CLEC16A: variants seen among roughly 807,000 people sequenced by gnomAD.
CLEC16A encodes the protein protein CLEC16A.
A neutral mutation model predicts 109.5 loss-of-function variants in CLEC16A; 51 were observed. That is an observed-to-expected ratio of 0.47 (90% CI 0.37 to 0.59). The LOEUF (loss-of-function observed/expected upper bound fraction) is 0.59. CLEC16A is among the 20% of genes least tolerant of loss of function. The pLI, the probability that CLEC16A is intolerant of heterozygous loss-of-function variation, is 0.00. For synonymous variants in CLEC16A, 673 were observed against 564.2 expected (o/e 1.19, Z -2.73); for missense variants, 1,339 against 1,394.0 (o/e 0.96, Z 0.63).
intron 8 of CLEC16A, among the ~76,000 whole-genome samples, chr16:10,978,473 T>C (rs538415725): frequency 7.0e-4 from 106 of 152,320 alleles, no homozygotes; most frequent in African/African-American, 2.5e-3. Context: ...GGTTTCACCA[T>C]GTTGGCCGGG....
chr16:11,178,633 A>G lies in CLEC16A; in HGVS notation c.3105A>G (p.Thr1035=), dbSNP rs987074824. The change falls in exon 24 of 24, where the codon ACA becomes ACG. Residue 1035 remains threonine, a synonymous_variant. Coordinates refer to ENST00000409790, the MANE Select transcript of CLEC16A (RefSeq NM_015226.3). The surrounding 1 kb of genome is among the most constrained non-coding windows in gnomAD (Gnocchi z 6.5). ...PPLSTPAAAC[T]EPVGEEAACA... is the part of the protein sequence containing the mutation. ...TGTCCACGCCGGCTGCCGCCTGCAC[A>G]GAGCCCGTGGGCGAAGAGGCTGCAT... The G allele has an allele frequency of 1.9e-5, 30 of 1,591,746 alleles. No homozygotes were observed. The highest frequency in any genetic ancestry group is 2.5e-5 in the Non-Finnish European group (29 of 1,172,878).
chr16:11,080,813 C>G (rs2049666524), intron 19 of CLEC16A, among the ~76,000 whole-genome samples: 1 of 152,232 alleles, frequency 6.6e-6, no homozygotes, highest in African/African-American at 2.4e-5. Flanking sequence ...CACTCTTTCA[C>G]TTTTAGAACC....
At chr16:11,075,511 C>G (rs1008318205) in intron 19 of CLEC16A, among the ~76,000 whole-genome samples, 4 of 151,918 alleles carry the variant, frequency 2.6e-5, no homozygotes, top group African/African-American at 9.7e-5. Context: ...TCATAGCTCT[C>G]TGCAACCTTG....
At chr16:10,992,925 G>A (rs751114077) in intron 10 of CLEC16A, among the ~76,000 whole-genome samples, 7 of 152,122 alleles carry the variant, frequency 4.6e-5, no homozygotes, top group Non-Finnish European at 1.0e-4. Context: ...AGGTCAGGGA[G>A]CTAGGCCTGC....
At chr16:11,020,390 G>A (rs1049196473) in intron 12 of CLEC16A, 65 bp downstream of exon 12, 1 of 1,503,298 alleles carries the variant, frequency 6.7e-7, no homozygotes, top group Non-Finnish European at 8.9e-7. Flanking sequence ...CAGTGGGGAG[G>A]TTGAGCCCTA....
intron 12 of CLEC16A, among the ~76,000 whole-genome samples, chr16:11,023,787 T>C (rs756911934): frequency 1.3e-5 from 2 of 152,220 alleles, no homozygotes; most frequent in Non-Finnish European, 2.9e-5. Context: ...CTTCCAGAAA[T>C]TAAATGTGCC....
chr16:10,966,195 C>CA lies in CLEC16A; in HGVS notation c.344-2960dup, dbSNP rs1567514088. On this transcript the variant is annotated intron_variant, in intron 3 of 23. Coordinates refer to ENST00000409790, the MANE Select transcript of CLEC16A (RefSeq NM_015226.3). ...ATTCAGAGAATGTACTACTATATAG[C>CA]AAAAAAGAAAAGAAAAAGGAAAAGG... Among the ~76,000 whole-genome samples, 7 of 151,834 alleles carry CA rather than the reference C, an allele frequency of 4.6e-5. No individual in the cohort carries two copies. The South Asian group carries it at 8.3e-4, about 18-fold the overall frequency.
intron 19 of CLEC16A, among the ~76,000 whole-genome samples, chr16:11,078,282 C>T (rs889197131): frequency 3.9e-5 from 6 of 152,026 alleles, no homozygotes; most frequent in Admixed American, 6.6e-5. Flanking sequence ...TCACTGGCTC[C>T]GGGGTGGGGC....
intron 20 of CLEC16A, among the ~76,000 whole-genome samples, chr16:11,120,987 C>T (rs1010437248): frequency 3.9e-5 from 6 of 152,170 alleles, no homozygotes; most frequent in African/African-American, 1.4e-4. Context: ...TCGATTCTTA[C>T]ACCTCCCCTC....
intron 17 of CLEC16A, among the ~76,000 whole-genome samples, chr16:11,050,384 C>G (rs867095625): frequency 1.3e-5 from 2 of 152,232 alleles, no homozygotes; most frequent in African/African-American, 4.8e-5. Context: ...CTCGCTACAT[C>G]CCTGCCCTAT....
intron 19 of CLEC16A, among the ~76,000 whole-genome samples, chr16:11,108,462 C>A (rs931293831): frequency 1.3e-5 from 2 of 152,246 alleles, no homozygotes; most frequent in African/African-American, 4.8e-5. Context: ...CATCATTTGA[C>A]TGTCTCCTTG....
At chr16:11,095,081 ATCTTTTTTTT>A (rs1457559971) in intron 19 of CLEC16A, among the ~76,000 whole-genome samples, 3 of 130,558 alleles carry the variant, frequency 2.3e-5, no homozygotes, top group African/African-American at 9.8e-5. Context: ...ACAGTTGCTA[ATCTTTTTTTT>A]TCTTTTTTTT....
chr16:10,971,074 A>G (rs2042764359), intron 4 of CLEC16A, 51 bp from the exon 5 acceptor site: 4 of 1,118,338 alleles, frequency 3.6e-6, no homozygotes, highest in Non-Finnish European at 5.3e-6. Context: ...GGGTGGGGCC[A>G]GGCCTGGCTT....
rs528988965 is a variant in CLEC16A at position 11,124,419 on chromosome 16, C to G, written c.2473+473C>G. Among the ~76,000 whole-genome samples, 4 of 152,336 alleles carry G rather than the reference C, an allele frequency of 2.6e-5. 1 individual carries two copies. The South Asian group carries it at 8.3e-4, about 32-fold the overall frequency. On this transcript the variant is annotated intron_variant, in intron 21 of 23. Coordinates refer to ENST00000409790, the MANE Select transcript of CLEC16A (RefSeq NM_015226.3). Reference sequence around the variant, plus strand: ...CTTCCTACTGTAAACTTACCCCTTCCTCCTTCCCCTTCCCAGTTCTTATAA... The same window carrying G: ...CTTCCTACTGTAAACTTACCCCTTCGTCCTTCCCCTTCCCAGTTCTTATAA...
chr16:11,145,026 A>G (rs1288945478), intron 22 of CLEC16A, among the ~76,000 whole-genome samples: 2 of 152,182 alleles, frequency 1.3e-5, no homozygotes, highest in Non-Finnish European at 2.9e-5. Context: ...CACGTGGTGC[A>G]TCCCGGCAGG....
intron 5 of CLEC16A, among the ~76,000 whole-genome samples, chr16:10,972,207 G>C (rs2042822722): frequency 1.3e-5 from 2 of 152,196 alleles, no homozygotes; most frequent in African/African-American, 4.8e-5. Context: ...TGTAGATTTG[G>C]CTAGTCAAGG....
intron 13 of CLEC16A, 118 bp downstream of exon 13, chr16:11,025,039 T>C: frequency 1.3e-6 from 1 of 756,820 alleles, no homozygotes; most frequent in South Asian, 1.6e-5. Flanking sequence ...TCCTTTCTGG[T>C]TTTGGTGGTC....
At position 10,977,244 on chromosome 16, in the gene CLEC16A, C is replaced by G; in HGVS notation, c.748C>G (p.Leu250Val). 1 of 1,613,904 alleles carries G rather than the reference C, an allele frequency of 6.2e-7. No homozygotes were observed. The highest frequency in any genetic ancestry group is 2.2e-5 in the East Asian group (1 of 44,886). Residue 250 changes from leucine (L) to valine (V), a missense_variant, in exon 8 of 24, where the codon CTG becomes GTG. By Grantham distance (32) the Leu-to-Val change is conservative (BLOSUM62 1). This residue lies in a region of CLEC16A where 161 missense variants were observed against 267.1 expected (regional missense o/e 0.60). Coordinates refer to ENST00000409790, the MANE Select transcript of CLEC16A (RefSeq NM_015226.3). ...TGGCAGGCATCGGAATCGGGGTAAACTGAGTGATCTGGTGGCAGAGCACCT... is the reference window on the plus strand; with the variant it reads ...TGGCAGGCATCGGAATCGGGGTAAAGTGAGTGATCTGGTGGCAGAGCACCT... ...TDEEHRNRGKLSDLVAEHLDH... is the reference protein window; with the variant it reads ...TDEEHRNRGKVSDLVAEHLDH...
chr16:11,011,076 C>T (rs2045383471), intron 11 of CLEC16A, among the ~76,000 whole-genome samples: 1 of 152,182 alleles, frequency 6.6e-6, no homozygotes, highest in Non-Finnish European at 1.5e-5. Context: ...AGGTGTTGCC[C>T]AGTTTCTGTA....
Sources: gnomAD v4.1 joint callset for allele counts (sites outside exome capture counted in the v4.1 genomes callset) on GRCh38, gnomAD v4.1.1 for gene constraint, gnomAD v4.1.1 regional missense constraint, Gnocchi (gnomAD v3.1) non-coding constraint, MANE v1.5 for transcripts, NCBI Gene and HGNC (gene_info 2026-07-23, HGNC 2026-07-21) for gene names.